Variants in ZNF469 observed in about 807,000 individuals in gnomAD.
ZNF469 encodes zinc finger protein 469.
In ZNF469, 1 loss-of-function variant was observed where a neutral mutation model predicts 1.0. The observed-to-expected ratio is 1.00, with a 90% CI of 0.35 to 4.73. The LOEUF is 4.73. Ranked by LOEUF, ZNF469 falls within the 30% of genes most tolerant of loss-of-function variation. ZNF469 has a pLI of 0.16. For missense variants in ZNF469, 6,100 were observed against 5,356.3 expected (o/e 1.14, Z -4.33); for synonymous variants, 2,703 against 2,363.4 (o/e 1.14, Z -4.17).
chr16:88,427,356 G>C lies in ZNF469; in HGVS notation c.-115G>C. ...ACCTTTCCTTCCAGGCTCCACTCAG[G>C]ACCATGAGCGCAGGCTTCCCTGGGG... On this transcript the variant is annotated 5_prime_UTR_variant, in exon 3 of 3. Coordinates refer to ENST00000565624, the MANE Select transcript of ZNF469 (RefSeq NM_001367624.2). 8.7e-7 allele frequency: 1 copy of C among 1,147,158 alleles called. No homozygotes were observed. The highest frequency in any genetic ancestry group is 1.2e-6 in the Non-Finnish European group (1 of 842,430). The allele number at this position is 1,147,158 out of a possible 1,614,324, so 71.1% of individuals were successfully genotyped here.
the ZNF469 span, among the ~76,000 whole-genome samples, chr16:88,345,118 G>C: frequency 6.6e-6 from 1 of 152,204 alleles, no homozygotes; most frequent in Admixed American, 6.5e-5. Flanking sequence ...AGTGGATCCC[G>C]AGGTCATAGG....
chr16:88,180,774 AAAAC>A, the ZNF469 span, among the ~76,000 whole-genome samples: 1,205 of 149,026 alleles, frequency 8.1e-3, 11 homozygotes, highest in African/African-American at 0.027. Context: ...TCTGTCTCAA[AAAAC>A]AAACAAACAA....
In ZNF469 at chr16:88,424,217, T is replaced by C. The variant is rs2033966577; in HGVS notation, c.-191-590T>C. Among the ~76,000 whole-genome samples the C allele has an allele frequency of 6.6e-6, 1 of 151,986 alleles. No homozygotes were observed. Among genetic ancestry groups the C allele is most frequent in the Admixed American group, 6.6e-5 (1 of 15,256 alleles). ...GATGCGAGGACGAGTGGACAGAGAG[T>C]GAGAAACCTCTTCACGGAATGTTGT... is the stretch of plus-strand genomic sequence containing the variant. On this transcript the variant is annotated intron_variant, in intron 1 of 2. Transcript: ENST00000565624. This position sits in a 1 kb window ranked among gnomAD's most constrained non-coding sequence, Gnocchi z 4.3.
chr16:88,417,834 G>C (rs546993385), intron 1 of ZNF469, among the ~76,000 whole-genome samples: 1 of 152,382 alleles, frequency 6.6e-6, no homozygotes, highest in South Asian at 2.1e-4. Context: ...GGCCTGGCAG[G>C]GGAGTGTGCG....
the ZNF469 span, among the ~76,000 whole-genome samples, chr16:88,104,354 A>T: frequency 6.6e-6 from 1 of 151,948 alleles, no homozygotes; most frequent in Non-Finnish European, 1.5e-5. Flanking sequence ...AGAGATGTGC[A>T]CCCACAACCA....
chr16:88,334,336 C>T, the ZNF469 span, among the ~76,000 whole-genome samples: 2 of 152,154 alleles, frequency 1.3e-5, no homozygotes, highest in Non-Finnish European at 2.9e-5. Flanking sequence ...TTACCTGAAA[C>T]GCTCGGGACC....
the ZNF469 span, among the ~76,000 whole-genome samples, chr16:88,184,702 A>G: frequency 0.15 from 22,543 of 148,470 alleles, 2,246 homozygotes; most frequent in South Asian, 0.36. Context: ...TCACGGCTGC[A>G]CGGCCGGCGT....
the ZNF469 span, among the ~76,000 whole-genome samples, chr16:88,214,088 C>A: frequency 2.6e-5 from 4 of 152,186 alleles, no homozygotes; most frequent in African/African-American, 9.7e-5. Context: ...AACCCCTGTC[C>A]TCTCTTCGCT....
the ZNF469 span, among the ~76,000 whole-genome samples, chr16:88,293,958 G>A: frequency 6.6e-6 from 1 of 152,214 alleles, no homozygotes; most frequent in Non-Finnish European, 1.5e-5. Flanking sequence ...AAGACCACGA[G>A]ACGGCCTTTA....
chr16:88,157,529 C>T, the ZNF469 span, among the ~76,000 whole-genome samples: 3 of 152,180 alleles, frequency 2.0e-5, no homozygotes, highest in Non-Finnish European at 4.4e-5. Flanking sequence ...GAGGGTGGGA[C>T]AGCACCCATC....
In ZNF469 at chr16:88,437,553, G is replaced by A; in HGVS notation, c.10083G>A (p.Pro3361=). ...AGCGCCACCTGGCGGTGCACAGCCC[G>A]CAGCGCGTCTACCTGTGCCCCCGGT... is the stretch of plus-strand genomic sequence containing the variant. ...KLQRHLAVHS[P]QRVYLCPRCP... Residue 3361 remains proline, a synonymous_variant, in exon 3 of 3, where the codon CCG becomes CCA. Transcript: ENST00000565624. 4 of 1,539,568 alleles carry A rather than the reference G, an allele frequency of 2.6e-6. No individual in the cohort carries two copies. The highest frequency in any genetic ancestry group is 2.4e-5 in the South Asian group (2 of 83,728).
intron 1 of ZNF469, among the ~76,000 whole-genome samples, chr16:88,413,632 A>G (rs1411572297): frequency 6.6e-6 from 1 of 152,146 alleles, no homozygotes; most frequent in Non-Finnish European, 1.5e-5. Context: ...GCGTTATAGC[A>G]AGGTTCAGTC....
At chr16:88,275,783 C>T in the ZNF469 span, among the ~76,000 whole-genome samples, 1 of 152,192 alleles carries the variant, frequency 6.6e-6, no homozygotes, top group Non-Finnish European at 1.5e-5. Flanking sequence ...GGGCTGGCAG[C>T]GTGGTCCTGA....
upstream of ZNF469, among the ~76,000 whole-genome samples, chr16:88,380,456 TGCACACACAC>T (rs557362164): frequency 1.3e-3 from 138 of 102,714 alleles, no homozygotes; most frequent in African/African-American, 6.6e-3. Context: ...CACACAGACA[TGCACACACAC>T]ATGCACTCAC....
chr16:88,327,014 G>T, the ZNF469 span, among the ~76,000 whole-genome samples: 4 of 152,188 alleles, frequency 2.6e-5, no homozygotes, highest in Admixed American at 1.3e-4. Context: ...CCTGGGTCAG[G>T]GCGGCCCCGC....
chr16:88,317,358 C>T, the ZNF469 span, among the ~76,000 whole-genome samples: 62 of 152,240 alleles, frequency 4.1e-4, no homozygotes, highest in Non-Finnish European at 7.6e-4. Flanking sequence ...CATTCTTCTG[C>T]GGGTGAAACG....
chr16:88,268,545 C>T, the ZNF469 span, among the ~76,000 whole-genome samples: 29 of 152,164 alleles, frequency 1.9e-4, no homozygotes, highest in Non-Finnish European at 2.9e-4. Flanking sequence ...GTTCTCCTGG[C>T]GTTTTTCTCC....
chr16:88,273,804 A>ATTTTTTT, the ZNF469 span, among the ~76,000 whole-genome samples: 8 of 135,258 alleles, frequency 5.9e-5, no homozygotes, highest in Non-Finnish European at 9.4e-5. Context: ...ACTGTGGAAT[A>ATTTTTTT]TTTTTTTTTT....
At chr16:88,391,364 G>A (rs1262642077) in intron 1 of ZNF469, among the ~76,000 whole-genome samples, 1 of 152,268 alleles carries the variant, frequency 6.6e-6, no homozygotes, top group Admixed American at 6.5e-5. Context: ...CCATGTGACT[G>A]TGCTTGGCTG....
Sources: allele counts gnomAD v4.1 joint callset (sites outside exome capture counted in the v4.1 genomes callset), GRCh38; gene constraint gnomAD v4.1.1; non-coding constraint Gnocchi (gnomAD v3.1); transcripts MANE v1.5; gene names NCBI Gene and HGNC (gene_info 2026-07-23, HGNC 2026-07-21).